MRTFA: variants seen among roughly 807,000 people sequenced by gnomAD.
MRTFA encodes the protein myocardin related transcription factor A, also known as myocardin-related transcription factor A.
In MRTFA, 20 loss-of-function variants were observed where a neutral mutation model predicts 83.5. That is an observed-to-expected ratio of 0.24 (90% CI 0.17 to 0.35). MRTFA has a LOEUF of 0.35. Among genes scored for constraint, MRTFA ranks in the 10% least tolerant of loss-of-function variants. MRTFA has a pLI of 1.00. For missense variants in MRTFA, 1,200 were observed against 1,224.7 expected, an observed-to-expected ratio of 0.98 and a Z score of 0.30; for synonymous variants, 659 against 541.2, an observed-to-expected ratio of 1.22 and a Z score of -3.02.
chr22:40,560,106 T>C (rs1423068891), intron 2 of MRTFA, among the ~76,000 whole-genome samples: 2 of 152,164 alleles, frequency 1.3e-5, no homozygotes, highest in Non-Finnish European at 2.9e-5. Context: ...TACTATAGAA[T>C]AAAATCCTTC....
At chr22:40,505,201 C>T (rs2054560880) in intron 3 of MRTFA, among the ~76,000 whole-genome samples, 1 of 152,186 alleles carries the variant, frequency 6.6e-6, no homozygotes, top group South Asian at 2.1e-4. Context: ...AATGGAAAGA[C>T]CTCAAACTCA....
At position 40,420,394 on chromosome 22, in the gene MRTFA, T is replaced by A. The variant is rs1184251428; in HGVS notation, c.1353+11A>T. ...GCTGGCAGTGGCTCAAGTTTTCCAG[T>A]GGCCATGTACCTTCATGTCGTCCAG... On this transcript the variant is annotated intron_variant, in intron 11 of 14. Transcript: ENST00000355630. The A allele has an allele frequency of 1.9e-6, 3 of 1,608,394 alleles. No individual in the cohort carries two copies. In the South Asian group the frequency reaches 3.3e-5, roughly 18 times the overall value.
chr22:40,542,462 G>C (rs1228036392), intron 3 of MRTFA, among the ~76,000 whole-genome samples: 1 of 152,040 alleles, frequency 6.6e-6, no homozygotes, highest in Non-Finnish European at 1.5e-5. Context: ...AATTATAGAA[G>C]TTCCATGACA....
intron 5 of MRTFA, among the ~76,000 whole-genome samples, chr22:40,432,836 G>A (rs534573681): frequency 1.3e-5 from 2 of 152,306 alleles, no homozygotes; most frequent in African/African-American, 4.8e-5. Flanking sequence ...CACGTGCAGT[G>A]GGCAGAAGTA....
intron 1 of MRTFA, among the ~76,000 whole-genome samples, chr22:40,598,920 G>A (rs566690513): frequency 2.0e-5 from 3 of 151,418 alleles, no homozygotes; most frequent in Non-Finnish European, 4.4e-5. Flanking sequence ...GAACCCGGGA[G>A]GCAGAGGCTG....
At chr22:40,615,609 C>T (rs914734896) in intron 1 of MRTFA, among the ~76,000 whole-genome samples, 9 of 151,958 alleles carry the variant, frequency 5.9e-5, no homozygotes, top group African/African-American at 2.2e-4. Flanking sequence ...GGTATATCTC[C>T]ACTTATTTAG....
intron 2 of MRTFA, among the ~76,000 whole-genome samples, chr22:40,561,020 C>A (rs1182389729): frequency 6.6e-6 from 1 of 152,098 alleles, no homozygotes; most frequent in African/African-American, 2.4e-5. Context: ...TTTTTTTAAA[C>A]AATTGGTAAA....
chr22:40,487,709 C>T (rs2054195886), intron 3 of MRTFA, among the ~76,000 whole-genome samples: 1 of 152,178 alleles, frequency 6.6e-6, no homozygotes, highest in Non-Finnish European at 1.5e-5. Flanking sequence ...TTATTAATAT[C>T]ACTGACAATG....
rs1404483362 is a variant in MRTFA, at chr22:40,411,710, G to A, written c.2776C>T (p.Leu926=). The A allele has an allele frequency of 3.8e-6, 6 of 1,581,566 alleles. No homozygotes were observed. In the South Asian group the frequency reaches 7.0e-5, roughly 18 times the overall value. ...GGCCCGTCATGCCCACTGGTCAGCAGGGGCAGCCCCGTGCTGCTCTCCAGG... is the reference window on the plus strand; with the variant it reads ...GGCCCGTCATGCCCACTGGTCAGCAAGGGCAGCCCCGTGCTGCTCTCCAGG... The change falls in exon 15 of 15, where the codon CTG becomes TTG. Residue 926 remains leucine, a synonymous_variant. Transcript: ENST00000355630.
At chr22:40,471,219 TAAAAAAAAAAA>T (rs61206773) in intron 3 of MRTFA, among the ~76,000 whole-genome samples, 8 of 42,670 alleles carry the variant, frequency 1.9e-4, no homozygotes, top group Non-Finnish European at 3.2e-4. Context: ...CTGTTTCTAT[TAAAAAAAAAAA>T]AAAAAAAAAA....
In MRTFA at chr22:40,495,666, G is replaced by A. The variant is rs377076710; in HGVS notation, c.242-32380C>T. On this transcript the variant is annotated intron_variant, in intron 3 of 14. Coordinates refer to ENST00000355630, the MANE Select transcript of MRTFA (RefSeq NM_020831.6). ...CCCAGCTACTTGAAAGGCTGAGGCA[G>A]GAGAGTCGCTTGAACCGGGGAGGTG... Among the ~76,000 whole-genome samples, 6 of 150,996 alleles carry A rather than the reference G, an allele frequency of 4.0e-5. No homozygotes were observed. In the East Asian group the frequency reaches 1.2e-3, roughly 29 times the overall value.
At chr22:40,535,489 A>T (rs2055155675) in intron 3 of MRTFA, among the ~76,000 whole-genome samples, 1 of 151,078 alleles carries the variant, frequency 6.6e-6, no homozygotes, top group African/African-American at 2.4e-5. Context: ...AGTAGCTGGG[A>T]CTACAGGCAT....
At chr22:40,457,270 C>T (rs2147140043) in intron 4 of MRTFA, among the ~76,000 whole-genome samples, 1 of 151,824 alleles carries the variant, frequency 6.6e-6, no homozygotes, top group South Asian at 2.1e-4. Flanking sequence ...GAGGCTGAGG[C>T]AAGAAAATCG....
At chr22:40,591,361 T>C (rs2056118790) in intron 2 of MRTFA, among the ~76,000 whole-genome samples, 1 of 152,020 alleles carries the variant, frequency 6.6e-6, no homozygotes, top group Non-Finnish European at 1.5e-5. Context: ...GGTTACACTT[T>C]TTAAAAAGTG....
chr22:40,592,720 T>C (rs1031120443), intron 2 of MRTFA, among the ~76,000 whole-genome samples: 3 of 152,038 alleles, frequency 2.0e-5, no homozygotes, highest in Non-Finnish European at 4.4e-5. Flanking sequence ...TTCAAACTCC[T>C]GGATTCAAGC....
chr22:40,533,250 G>A (rs2055112719), intron 3 of MRTFA, among the ~76,000 whole-genome samples: 1 of 152,178 alleles, frequency 6.6e-6, no homozygotes, highest in South Asian at 2.1e-4. Flanking sequence ...AGACAACAAT[G>A]TATAAAACAG....
At chr22:40,457,428 G>A (rs1165619498) in intron 4 of MRTFA, among the ~76,000 whole-genome samples, 1 of 104,212 alleles carries the variant, frequency 9.6e-6, no homozygotes, top group Non-Finnish European at 1.9e-5. Flanking sequence ...CAGAATGAAA[G>A]AAAGAAAGAG....
At chr22:40,422,897 G>A (rs188086371) in intron 9 of MRTFA, among the ~76,000 whole-genome samples, 1 of 152,250 alleles carries the variant, frequency 6.6e-6, no homozygotes, top group Non-Finnish European at 1.5e-5. Context: ...AGCACAAAGG[G>A]TGCAGGTGGA....
chr22:40,442,663 A>C (rs879857068), intron 4 of MRTFA, among the ~76,000 whole-genome samples: 1 of 152,214 alleles, frequency 6.6e-6, no homozygotes, highest in East Asian at 1.9e-4. Context: ...TGGGGAAAAG[A>C]GACAAATATA....
Sources: gnomAD v4.1 joint callset for allele counts (sites outside exome capture counted in the v4.1 genomes callset) on GRCh38, gnomAD v4.1.1 for gene constraint, MANE v1.5 for transcripts, NCBI Gene and HGNC (gene_info 2026-07-23, HGNC 2026-07-21) for gene names.